Variants in TMTC4 observed in about 807,000 individuals in gnomAD.
The protein encoded by TMTC4 is protein O-mannosyl-transferase TMTC4.
TMTC4 carries 65 observed loss-of-function variants against 86.0 expected under a neutral mutation model. The ratio of observed to expected loss-of-function variants is 0.76; its 90% CI spans 0.62 to 0.93. TMTC4 has a LOEUF of 0.93. TMTC4 is among the 40% of genes least tolerant of loss of function. TMTC4 has a pLI of 0.00. For synonymous variants in TMTC4, 379 were observed against 382.5 expected (o/e 0.99, Z 0.11); for missense variants, 866 against 948.1 (o/e 0.91, Z 1.14).
rs1566639776 is a variant in TMTC4 at position 100,663,079 on chromosome 13, GAGA to G, written c.434_436del (p.Phe145del). 6.2e-7 allele frequency: 1 copy of G among 1,614,232 alleles called. No homozygotes were observed. Among genetic ancestry groups the G allele is most frequent in the Non-Finnish European group, 8.5e-7 (1 of 1,180,044 alleles). ...GTACTGCAGGCCGCCAAACAGAACC[GAGA>G]AGACGTCCACCATGAGGACAGAGAT... On this transcript the variant is annotated inframe_deletion, in exon 5 of 19. Transcript: ENST00000342624.
intron 12 of TMTC4, among the ~76,000 whole-genome samples, chr13:100,631,441 CAG>C (rs1282468938): frequency 6.6e-6 from 1 of 152,166 alleles, no homozygotes; most frequent in African/African-American, 2.4e-5. Flanking sequence ...AATTGTATCA[CAG>C]AGTTGATGGT....
chr13:100,658,562 G>A (rs1272919671), intron 5 of TMTC4, among the ~76,000 whole-genome samples: 4 of 151,922 alleles, frequency 2.6e-5, no homozygotes, highest in Non-Finnish European at 5.9e-5. Flanking sequence ...CAGAGACCAA[G>A]GGGAAGTGAG....
At position 100,604,906 on chromosome 13, in the gene TMTC4, C is replaced by A; in HGVS notation, c.*88G>T. On this transcript the variant is annotated 3_prime_UTR_variant, in exon 19 of 19. Coordinates refer to ENST00000342624, the MANE Select transcript of TMTC4 (RefSeq NM_032813.5). ...AATCAGTAAAATAACATGTCTAAGA[C>A]TTTTAAATGGTTAAATGTAACCACA... 1 of 1,433,750 alleles carries A rather than the reference C, an allele frequency of 7.0e-7. No homozygotes were observed. 88.8% of individuals were successfully genotyped at this position (1,433,750 alleles called of 1,614,324 possible).
intron 1 of TMTC4, 149 bp downstream of exon 1, chr13:100,674,595 G>A (rs1887601519): frequency 1.0e-6 from 1 of 982,692 alleles, no homozygotes; most frequent in African/African-American, 1.8e-5. Context: ...TCAGGTCCCG[G>A]AACCAACTCC....
At chr13:100,658,289 A>G (rs1885347497) in intron 5 of TMTC4, among the ~76,000 whole-genome samples, 1 of 152,098 alleles carries the variant, frequency 6.6e-6, no homozygotes, top group African/African-American at 2.4e-5. Context: ...GGCAAAGGAC[A>G]GAGGACGCAG....
rs539272581 is a variant in TMTC4 at position 100,650,427 on chromosome 13, C to T, written c.640+5954G>A. Among the ~76,000 whole-genome samples the T allele has an allele frequency of 5.5e-4, 84 of 152,356 alleles. 1 individual carries two copies. Among genetic ancestry groups the T allele is most frequent in the Middle Eastern group, 3.4e-3 (1 of 294 alleles). Reference sequence around the variant, plus strand: ...CGTGCCTCGGATTTGGCACTCCTTTCCAGTGGGAAGATCTCCTTTCAGAAA... The same window carrying T: ...CGTGCCTCGGATTTGGCACTCCTTTTCAGTGGGAAGATCTCCTTTCAGAAA... On this transcript the variant is annotated intron_variant, in intron 6 of 18. Coordinates refer to ENST00000342624, the MANE Select transcript of TMTC4 (RefSeq NM_032813.5).
chr13:100,609,467 A>G (rs1877200247), intron 17 of TMTC4, among the ~76,000 whole-genome samples: 1 of 152,204 alleles, frequency 6.6e-6, no homozygotes, highest in Admixed American at 6.5e-5. Flanking sequence ...CCTGCACTTA[A>G]GCTACAGGGC....
chr13:100,606,648 T>C (rs1475040365), intron 17 of TMTC4, among the ~76,000 whole-genome samples: 3 of 152,278 alleles, frequency 2.0e-5, no homozygotes, highest in East Asian at 1.9e-4. Context: ...GGGATGAACA[T>C]GTTCGTGAGT....
At chr13:100,659,637 C>G (rs186569864) in intron 5 of TMTC4, among the ~76,000 whole-genome samples, 1 of 152,066 alleles carries the variant, frequency 6.6e-6, no homozygotes, top group Non-Finnish European at 1.5e-5. Flanking sequence ...TGTGGCCCTC[C>G]CAGGCTCTCC....
intron 5 of TMTC4, among the ~76,000 whole-genome samples, chr13:100,660,401 C>T (rs1885630134): frequency 6.6e-6 from 1 of 151,784 alleles, no homozygotes; most frequent in African/African-American, 2.4e-5. Flanking sequence ...GCCTATACTG[C>T]TATTACTGTC....
chr13:100,615,961 C>T (rs189349546), intron 15 of TMTC4, among the ~76,000 whole-genome samples: 25 of 152,232 alleles, frequency 1.6e-4, no homozygotes, highest in Admixed American at 2.0e-4. Context: ...TATGTATTAG[C>T]GCTCACTTAT....
chr13:100,612,052 G>A (rs1206909847), intron 17 of TMTC4, among the ~76,000 whole-genome samples: 1 of 152,238 alleles, frequency 6.6e-6, no homozygotes, highest in Non-Finnish European at 1.5e-5. Flanking sequence ...CACCTCCGGG[G>A]ATGCACTGTG....
At chr13:100,651,000 G>C (rs188618123) in intron 6 of TMTC4, among the ~76,000 whole-genome samples, 1 of 152,170 alleles carries the variant, frequency 6.6e-6, no homozygotes, top group African/African-American at 2.4e-5. Context: ...CAGCTTAAGG[G>C]GAGCTATATA....
intron 6 of TMTC4, among the ~76,000 whole-genome samples, chr13:100,649,774 T>TAAAA (rs996999078): frequency 1.3e-5 from 2 of 150,498 alleles, no homozygotes; most frequent in African/African-American, 2.4e-5. Context: ...AATAAATAAA[T>TAAAA]AAATAAATAA....
intron 4 of TMTC4, 98 bp downstream of exon 4, chr13:100,664,123 G>T: frequency 9.5e-7 from 1 of 1,055,170 alleles, no homozygotes; most frequent in Non-Finnish European, 1.3e-6. Context: ...CCACTGACTA[G>T]ACTCCTGAAT....
Position 100,635,218 on chromosome 13 carries a change from A to T in TMTC4, c.1203-23T>A, listed in dbSNP as rs754114874. The T allele has an allele frequency of 9.8e-6, 15 of 1,524,650 alleles. No homozygotes were observed. The Admixed American group carries it at 3.2e-4, about 33-fold the overall frequency. 94.4% of individuals were successfully genotyped at this position (1,524,650 alleles called of 1,614,324 possible). A position where few individuals can be genotyped will look rare whatever the true frequency, so the allele number is the denominator to read the frequency against. ...ATCCTGGATGATGAAAAGTATTTAA[A>T]TAAATGGCTATTTCCAGACTTCTCA... On this transcript the variant is annotated intron_variant, in intron 10 of 18. Coordinates refer to ENST00000342624, the MANE Select transcript of TMTC4 (RefSeq NM_032813.5).
rs1296569630 is a variant in TMTC4, at chr13:100,632,053, A to ACACACACACACACACTCTCT, written c.1506+2751_1506+2752insAGAGAGTGTGTGTGTGTGTG. On this transcript the variant is annotated intron_variant, in intron 12 of 18. Coordinates refer to ENST00000342624, the MANE Select transcript of TMTC4 (RefSeq NM_032813.5). ...CACACACACACACACACACACACAC[A>ACACACACACACACACTCTCT]CTCTCTCTCTCTCTCTCTCTCTCTC... Among the ~76,000 whole-genome samples, 262 of 43,018 alleles carry ACACACACACACACACTCTCT rather than the reference A, an allele frequency of 6.1e-3. 3 individuals are homozygous for ACACACACACACACACTCTCT. The highest frequency in any genetic ancestry group is 9.8e-3 in the African/African-American group (115 of 11,772). 28.2% of individuals were successfully genotyped at this position (43,018 alleles called of 152,430 possible).
chr13:100,672,444 G>A (rs1272284813), intron 1 of TMTC4, among the ~76,000 whole-genome samples: 1 of 152,150 alleles, frequency 6.6e-6, no homozygotes, highest in Non-Finnish European at 1.5e-5. Context: ...GTTAAAAGAA[G>A]CCCTGTCTGA....
At chr13:100,626,999 CG>C (rs1424930656) in intron 12 of TMTC4, among the ~76,000 whole-genome samples, 2 of 152,162 alleles carry the variant, frequency 1.3e-5, no homozygotes, top group Admixed American at 6.5e-5. Context: ...CTTTCCGCCA[CG>C]TGAGGACACA....
Sources: allele counts gnomAD v4.1 joint callset (sites outside exome capture counted in the v4.1 genomes callset), GRCh38; gene constraint gnomAD v4.1.1; transcripts MANE v1.5; gene names NCBI Gene and HGNC (gene_info 2026-07-23, HGNC 2026-07-21).